The following EYS variants were observed in gnomAD, a reference collection of about 807,000 sequenced individuals.
The protein encoded by EYS is protein eyes shut homolog.
EYS carries 250 observed loss-of-function variants against 282.1 expected under a neutral mutation model. That is an observed-to-expected ratio of 0.89 (90% confidence interval 0.80 to 0.98). The LOEUF is 0.98. Ranked by LOEUF, EYS falls within the 50% of genes least tolerant of loss-of-function variation. The probability of loss-of-function intolerance (pLI) is 0.00; values close to 1 mark genes in which losing one functional copy is unlikely to be tolerated. For synonymous variants in EYS, 1,355 were observed against 1,282.9 expected (o/e 1.06, Z -1.20); for missense variants, 4,016 against 3,709.0 (o/e 1.08, Z -2.15).
At chr6:65,680,815 CTCAAT>C (rs1377549360) in intron 1 of EYS, among the ~76,000 whole-genome samples, 1 of 151,944 alleles carries the variant, frequency 6.6e-6, no homozygotes, top group Non-Finnish European at 1.5e-5. Flanking sequence ...GCTGGGCTAA[CTCAAT>C]TCAATTCAAT....
intron 31 of EYS, among the ~76,000 whole-genome samples, chr6:64,093,654 G>C (rs113642276): frequency 0.023 from 3,479 of 152,184 alleles, 112 homozygotes; most frequent in African/African-American, 0.07. Context: ...AAGATTTTGG[G>C]CTGAGATGAT....
chr6:64,534,064 A>G (rs529583194), intron 26 of EYS, among the ~76,000 whole-genome samples: 7 of 151,946 alleles, frequency 4.6e-5, no homozygotes, highest in African/African-American at 1.4e-4. Context: ...CTATAATGGG[A>G]ATATTTTCTA....
At chr6:65,199,464 A>G (rs1765847834) in intron 12 of EYS, among the ~76,000 whole-genome samples, 1 of 152,172 alleles carries the variant, frequency 6.6e-6, no homozygotes, top group African/African-American at 2.4e-5. Flanking sequence ...ACAGCAGCGA[A>G]GTACTCAGTG....
chr6:65,405,504 T>C (rs1182479901), intron 5 of EYS, 137 bp from the exon 6 acceptor site: 1 of 707,888 alleles, frequency 1.4e-6, no homozygotes, highest in Admixed American at 2.8e-5. Context: ...TGTATTGCAG[T>C]GTAAGTTATA....
intron 9 of EYS, among the ~76,000 whole-genome samples, chr6:65,350,304 C>A (rs1461324434): frequency 1.3e-5 from 2 of 151,286 alleles, no homozygotes; most frequent in Non-Finnish European, 3.0e-5. Flanking sequence ...TTCCTATTTT[C>A]ACAAAAATCG....
intron 18 of EYS, among the ~76,000 whole-genome samples, chr6:64,894,609 G>A (rs1767395396): frequency 1.3e-5 from 2 of 152,064 alleles, no homozygotes. Context: ...TCACTCGAAG[G>A]TCAGGTTTTG....
intron 30 of EYS, among the ~76,000 whole-genome samples, chr6:64,303,972 C>T (rs757508666): frequency 9.7e-4 from 147 of 152,128 alleles, no homozygotes; most frequent in Non-Finnish European, 1.7e-3. Flanking sequence ...GCTTGTTTAC[C>T]CATGTGGTCC....
At chr6:64,998,373 T>C (rs1274864435) in intron 13 of EYS, among the ~76,000 whole-genome samples, 1 of 152,170 alleles carries the variant, frequency 6.6e-6, no homozygotes, top group East Asian at 1.9e-4. Flanking sequence ...AGTCCTTCAT[T>C]ATCCCTGAGA....
intron 37 of EYS, among the ~76,000 whole-genome samples, chr6:63,803,242 T>G (rs1334460624): frequency 6.6e-6 from 1 of 151,600 alleles, no homozygotes; most frequent in Non-Finnish European, 1.5e-5. Context: ...GAAGTTTTCA[T>G]TTGCCAGGCT....
intron 26 of EYS, among the ~76,000 whole-genome samples, chr6:64,458,674 GA>G (rs931141506): frequency 6.0e-5 from 9 of 150,780 alleles, no homozygotes; most frequent in African/African-American, 2.0e-4. Flanking sequence ...GATTGAATCT[GA>G]TTTTTTTAAT....
chr6:65,356,923 A>T (rs1186008260), intron 8 of EYS, among the ~76,000 whole-genome samples: 4 of 152,038 alleles, frequency 2.6e-5, no homozygotes, highest in African/African-American at 9.7e-5. Flanking sequence ...ATTTCACAGC[A>T]CCAACATGAA....
intron 41 of EYS, among the ~76,000 whole-genome samples, chr6:63,742,884 G>C (rs142263250): frequency 6.6e-5 from 10 of 152,164 alleles, no homozygotes; most frequent in Non-Finnish European, 1.0e-4. Context: ...AAGGACATTT[G>C]GGTAGTTTTT....
At chr6:64,298,000 T>A (rs866646711) in intron 30 of EYS, among the ~76,000 whole-genome samples, 2,221 of 134,550 alleles carry the variant, frequency 0.017, 88 homozygotes, top group African/African-American at 0.062. Flanking sequence ...AAAAAAAAAA[T>A]TAGGTAGAAA....
intron 2 of EYS, among the ~76,000 whole-genome samples, chr6:65,600,837 C>G (rs1279599460): frequency 6.6e-6 from 1 of 151,810 alleles, no homozygotes; most frequent in African/African-American, 2.4e-5. Context: ...CTCGGTAGTA[C>G]TATCTACCCT....
intron 12 of EYS, among the ~76,000 whole-genome samples, chr6:65,191,846 G>T (rs1291431525): frequency 1.3e-5 from 2 of 151,858 alleles, no homozygotes; most frequent in Admixed American, 1.3e-4. Flanking sequence ...GTGAAAACAG[G>T]TGATCACCAT....
intron 1 of EYS, among the ~76,000 whole-genome samples, chr6:65,702,357 T>C (rs1413596724): frequency 6.6e-6 from 1 of 152,220 alleles, no homozygotes; most frequent in Non-Finnish European, 1.5e-5. Context: ...ATTGGCTTAC[T>C]TATTTTCTGT....
chr6:64,781,207 T>G (rs993804327), intron 22 of EYS, among the ~76,000 whole-genome samples: 26 of 152,270 alleles, frequency 1.7e-4, no homozygotes, highest in African/African-American at 6.3e-4. Context: ...AATGAACATT[T>G]TTTTTAGAAT....
chr6:65,609,168 C>G (rs893965727), intron 2 of EYS, among the ~76,000 whole-genome samples: 4 of 151,914 alleles, frequency 2.6e-5, no homozygotes, highest in Admixed American at 1.3e-4. Flanking sequence ...ATCATCACCA[C>G]AAGCATGTGA....
intron 26 of EYS, among the ~76,000 whole-genome samples, chr6:64,455,830 T>G (rs989065744): frequency 7.9e-5 from 12 of 152,122 alleles, no homozygotes; most frequent in Non-Finnish European, 1.5e-4. Context: ...TAAAAAACTT[T>G]CCTTCTATTC....
Sources: allele counts gnomAD v4.1 joint callset (sites outside exome capture counted in the v4.1 genomes callset), GRCh38; gene constraint gnomAD v4.1.1; transcripts MANE v1.5; gene names NCBI Gene and HGNC (gene_info 2026-07-23, HGNC 2026-07-21).